GPC5: variants seen among roughly 807,000 people sequenced by gnomAD.
GPC5 encodes glypican-5.
In GPC5, 47 loss-of-function variants were observed where a neutral mutation model predicts 53.9. The ratio of observed to expected loss-of-function variants is 0.87; its 90% confidence interval spans 0.69 to 1.11. The LOEUF is 1.11. Ranked by LOEUF, GPC5 falls within the 50% of genes most tolerant of loss-of-function variation. GPC5 has a pLI of 0.00. For synonymous variants in GPC5, 286 were observed against 263.3 expected (o/e 1.09, Z -0.84); for missense variants, 748 against 713.1 (o/e 1.05, Z -0.56).
At position 92,420,928 on chromosome 13, in the gene GPC5, C is replaced by T. The variant is rs139903811; in HGVS notation, c.1561+275939C>T. Among the ~76,000 whole-genome samples, 553 of 152,262 alleles carry T rather than the reference C, an allele frequency of 3.6e-3. 4 individuals are homozygous for T. The highest frequency in any genetic ancestry group is 0.013 in the African/African-American group (520 of 41,564). On this transcript the variant is annotated intron_variant, in intron 7 of 7. Coordinates refer to ENST00000377067, the MANE Select transcript of GPC5 (RefSeq NM_004466.6). ...CTAAGTTGTTTCCAAATTTTGGCTACTGTGAATAGTGCTGCAAAACTAGTT... is the reference window on the plus strand; with the variant it reads ...CTAAGTTGTTTCCAAATTTTGGCTATTGTGAATAGTGCTGCAAAACTAGTT...
At chr13:92,400,569 G>T (rs1354312669) in intron 7 of GPC5, among the ~76,000 whole-genome samples, 1 of 152,000 alleles carries the variant, frequency 6.6e-6, no homozygotes, top group Non-Finnish European at 1.5e-5. Context: ...AAATTTTAGT[G>T]CTTTTAAAGA....
intron 5 of GPC5, among the ~76,000 whole-genome samples, chr13:91,791,309 A>G (rs1413130890): frequency 6.6e-6 from 1 of 152,182 alleles, no homozygotes; most frequent in African/African-American, 2.4e-5. Context: ...AGCCAATGCT[A>G]TAGGAATTGG....
intron 6 of GPC5, among the ~76,000 whole-genome samples, chr13:91,929,008 C>A (rs1341734781): frequency 6.6e-6 from 1 of 152,072 alleles, no homozygotes; most frequent in African/African-American, 2.4e-5. Flanking sequence ...CCTCTCAATT[C>A]TTTTCCTTGA....
chr13:91,814,339 T>C (rs184598896), intron 5 of GPC5, among the ~76,000 whole-genome samples: 10 of 152,270 alleles, frequency 6.6e-5, no homozygotes, highest in African/African-American at 1.7e-4. Context: ...TCTGTATACA[T>C]AGAAACATTT....
intron 7 of GPC5, among the ~76,000 whole-genome samples, chr13:92,345,467 A>C (rs2043403396): frequency 6.6e-6 from 1 of 152,130 alleles, no homozygotes; most frequent in Non-Finnish European, 1.5e-5. Context: ...AATCTCTACC[A>C]ACTGCCCCAA....
intron 7 of GPC5, among the ~76,000 whole-genome samples, chr13:92,192,558 A>C (rs2042230201): frequency 6.6e-6 from 1 of 152,218 alleles, no homozygotes; most frequent in East Asian, 1.9e-4. Context: ...TATAAAAAGC[A>C]ATATGAGTTT....
chr13:91,540,466 G>A (rs1288813895), intron 2 of GPC5, among the ~76,000 whole-genome samples: 1 of 152,208 alleles, frequency 6.6e-6, no homozygotes, highest in Non-Finnish European at 1.5e-5. Flanking sequence ...TGGGGCTGGA[G>A]AGAAATGAAG....
chr13:91,838,636 G>A (rs963245093), intron 5 of GPC5, among the ~76,000 whole-genome samples: 5 of 152,052 alleles, frequency 3.3e-5, no homozygotes, highest in African/African-American at 1.2e-4. Context: ...GATTGGAAAT[G>A]AATATGGACA....
chr13:92,014,533 A>G (rs1396952290), intron 6 of GPC5, among the ~76,000 whole-genome samples: 3 of 152,082 alleles, frequency 2.0e-5, no homozygotes, highest in African/African-American at 7.2e-5. Flanking sequence ...TTACTTCCAT[A>G]TCTCTAATGG....
Position 91,801,528 on chromosome 13 carries a change from C to T in GPC5, c.1280+45108C>T, listed in dbSNP as rs544527120. 1.5e-4 allele frequency among the ~76,000 whole-genome samples: 23 copies of T among 152,216 alleles called. No individual in the cohort carries two copies. In the South Asian group the frequency reaches 3.7e-3, roughly 25 times the overall value. ...TCAAAGAAATACATCTTTGAAGTTA[C>T]GGATTGGACCATATAGCTGATGACA... On this transcript the variant is annotated intron_variant, in intron 5 of 7. Transcript: ENST00000377067.
intron 6 of GPC5, among the ~76,000 whole-genome samples, chr13:91,928,227 G>A (rs1321627732): frequency 1.3e-5 from 2 of 152,152 alleles, no homozygotes; most frequent in Admixed American, 1.3e-4. Flanking sequence ...CTGCCAGATT[G>A]TCCTCTAAAT....
intron 3 of GPC5, among the ~76,000 whole-genome samples, chr13:91,719,603 T>C (rs1195740832): frequency 2.0e-5 from 3 of 152,194 alleles, no homozygotes; most frequent in South Asian, 2.1e-4. Context: ...ATTCACAAAA[T>C]AGATCTATGG....
intron 6 of GPC5, among the ~76,000 whole-genome samples, chr13:91,925,720 C>T (rs557478051): frequency 6.6e-6 from 1 of 152,230 alleles, no homozygotes; most frequent in African/African-American, 2.4e-5. Context: ...ACCATACTCG[C>T]TTGCAAAAAC....
intron 6 of GPC5, among the ~76,000 whole-genome samples, chr13:91,969,471 T>A (rs918525043): frequency 6.6e-6 from 1 of 152,020 alleles, no homozygotes; most frequent in Non-Finnish European, 1.5e-5. Flanking sequence ...TGATGGTAAT[T>A]TTTTTTGATA....
At chr13:91,491,251 T>C (rs532240300) in intron 2 of GPC5, among the ~76,000 whole-genome samples, 14 of 152,334 alleles carry the variant, frequency 9.2e-5, no homozygotes, top group East Asian at 5.8e-4. Context: ...CAATTCCTAC[T>C]TCATATTATT....
intron 2 of GPC5, among the ~76,000 whole-genome samples, chr13:91,539,369 G>A (rs530315049): frequency 4.2e-4 from 64 of 152,200 alleles, no homozygotes; most frequent in African/African-American, 1.3e-3. Flanking sequence ...GATCTAGTTC[G>A]TCATATGTTA....
intron 6 of GPC5, among the ~76,000 whole-genome samples, chr13:91,980,492 C>A (rs1034103765): frequency 2.0e-5 from 3 of 152,154 alleles, no homozygotes; most frequent in Non-Finnish European, 2.9e-5. Flanking sequence ...TTTCTCCCAA[C>A]TTCCAGTCAA....
At chr13:91,612,252 CT>C (rs2033574907) in intron 2 of GPC5, among the ~76,000 whole-genome samples, 1 of 152,164 alleles carries the variant, frequency 6.6e-6, no homozygotes, top group Non-Finnish European at 1.5e-5. Flanking sequence ...AATTATACTT[CT>C]GTAGCCCTCA....
chr13:92,147,410 T>C (rs1029462428), intron 7 of GPC5, among the ~76,000 whole-genome samples: 19 of 152,044 alleles, frequency 1.2e-4, no homozygotes, highest in Admixed American at 9.2e-4. Context: ...TGCATATGTG[T>C]GTATAAATAG....
Sources: gnomAD v4.1 joint callset for allele counts (sites outside exome capture counted in the v4.1 genomes callset) on GRCh38, gnomAD v4.1.1 for gene constraint, MANE v1.5 for transcripts, NCBI Gene and HGNC (gene_info 2026-07-23, HGNC 2026-07-21) for gene names.